The following PDE4D variants were observed in gnomAD, a reference collection of about 807,000 sequenced individuals.
The protein encoded by PDE4D is phosphodiesterase 4D, also known as 3',5'-cyclic-AMP phosphodiesterase 4D.
In PDE4D, 24 loss-of-function variants were observed where a neutral mutation model predicts 87.4. That is an observed-to-expected ratio of 0.27 (90% CI 0.20 to 0.39). PDE4D has a LOEUF of 0.39. Ranked by LOEUF, PDE4D falls within the 10% of genes least tolerant of loss-of-function variation. The pLI is 1.00. For synonymous variants in PDE4D, 384 were observed against 383.2 expected (o/e 1.00, Z -0.02); for missense variants, 714 against 1,041.0 (o/e 0.69, Z 4.32).
Position 59,522,141 on chromosome 5 carries a change from C to T in PDE4D, c.456-306173G>A, listed in dbSNP as rs1812350941. Among the ~76,000 whole-genome samples the T allele has an allele frequency of 2.0e-5, 3 of 152,240 alleles. No individual in the cohort carries two copies. In the South Asian group the frequency reaches 6.2e-4, roughly 32 times the overall value. ...CACATAAAGCATATTTGATAATCAG[C>T]TCAGCTCCTTGGTGAAAAAAACTAA... is the stretch of plus-strand genomic sequence containing the variant. On this transcript the variant is annotated intron_variant, in intron 1 of 14. Transcript: ENST00000340635.
chr5:59,817,749 C>CCT (rs1769154845), intron 1 of PDE4D, among the ~76,000 whole-genome samples: 1 of 150,794 alleles, frequency 6.6e-6, no homozygotes, highest in Non-Finnish European at 1.5e-5. Context: ...CACACCCCCC[C>CCT]CCACACACAC....
At chr5:59,200,290 C>T (rs1561690601) in intron 2 of PDE4D, among the ~76,000 whole-genome samples, 1 of 131,658 alleles carries the variant, frequency 7.6e-6, no homozygotes, top group Non-Finnish European at 1.6e-5. Context: ...TACAAGTATA[C>T]ATACATATGT....
intron 1 of PDE4D, among the ~76,000 whole-genome samples, chr5:59,351,084 C>T (rs1483378579): frequency 6.6e-6 from 1 of 152,172 alleles, no homozygotes; most frequent in Non-Finnish European, 1.5e-5. Context: ...TTAGTGAAGA[C>T]TTGGAAAATG....
intron 1 of PDE4D, chr5:59,587,381 T>G (rs1294792608): frequency 1.1e-6 from 1 of 911,726 alleles, no homozygotes; most frequent in Non-Finnish European, 1.3e-6. Flanking sequence ...AAATTCAGTT[T>G]TCCAATAGGT....
intron 5 of PDE4D, among the ~76,000 whole-genome samples, chr5:59,175,971 G>C (rs540543103): frequency 1.2e-4 from 18 of 151,818 alleles, no homozygotes; most frequent in African/African-American, 4.1e-4. Flanking sequence ...TTGAATTCTT[G>C]CAACAGTCCT....
intron 5 of PDE4D, among the ~76,000 whole-genome samples, chr5:59,159,065 C>A (rs1022687079): frequency 6.6e-6 from 1 of 152,098 alleles, no homozygotes; most frequent in African/African-American, 2.4e-5. Flanking sequence ...AACAAAAATA[C>A]CATGTTTGCT....
intron 1 of PDE4D, among the ~76,000 whole-genome samples, chr5:59,643,177 G>C (rs998962849): frequency 1.3e-5 from 2 of 152,208 alleles, no homozygotes; most frequent in Non-Finnish European, 2.9e-5. Flanking sequence ...TTGCCCCAGT[G>C]TACATGCTGG....
chr5:59,887,537 A>T (rs1240323807), intron 1 of PDE4D, among the ~76,000 whole-genome samples: 1 of 152,228 alleles, frequency 6.6e-6, no homozygotes, highest in Admixed American at 6.5e-5. Flanking sequence ...GATGGATAAT[A>T]AGCTGTGAGA....
intron 1 of PDE4D, among the ~76,000 whole-genome samples, chr5:60,390,416 AC>A: frequency 6.6e-6 from 1 of 152,284 alleles, no homozygotes; most frequent in South Asian, 2.1e-4. Flanking sequence ...CCAGTCACTA[AC>A]CAAATTCCTT....
At chr5:60,227,176 A>ACAAT (rs1660816497) in intron 1 of PDE4D, among the ~76,000 whole-genome samples, 1 of 152,154 alleles carries the variant, frequency 6.6e-6, no homozygotes, top group Admixed American at 6.6e-5. Context: ...ATATGTTTCT[A>ACAAT]CAATCAGAAT....
chr5:59,724,705 G>A (rs1333966383), intron 1 of PDE4D, among the ~76,000 whole-genome samples: 2 of 152,166 alleles, frequency 1.3e-5, no homozygotes, highest in East Asian at 1.9e-4. Flanking sequence ...ACCAGGTGGT[G>A]ACATAATGAA....
chr5:59,376,502 G>A (rs566682738), intron 1 of PDE4D, among the ~76,000 whole-genome samples: 42 of 152,048 alleles, frequency 2.8e-4, no homozygotes, highest in Non-Finnish European at 4.6e-4. Flanking sequence ...TCTACAAGGA[G>A]AACTACATAA....
chr5:59,256,428 C>T (rs1264595784), intron 1 of PDE4D, among the ~76,000 whole-genome samples: 1 of 151,984 alleles, frequency 6.6e-6, no homozygotes, highest in East Asian at 1.9e-4. Flanking sequence ...TTAAAATGAC[C>T]TTTCAGCCTC....
intron 5 of PDE4D, among the ~76,000 whole-genome samples, chr5:59,172,286 A>G (rs1207570754): frequency 2.2e-4 from 29 of 130,644 alleles, no homozygotes; most frequent in African/African-American, 8.4e-4. Flanking sequence ...TAAGAAATAT[A>G]TATTTATATA....
chr5:59,703,571 G>A (rs373521847), intron 1 of PDE4D: 4 of 534,392 alleles, frequency 7.5e-6, no homozygotes, highest in Non-Finnish European at 1.5e-5. Context: ...GGGTTCTGGT[G>A]GTGTTTTCTT....
At chr5:60,080,491 C>T (rs1432945075) in intron 2 of PDE4D, among the ~76,000 whole-genome samples, 1 of 152,148 alleles carries the variant, frequency 6.6e-6, no homozygotes, top group Non-Finnish European at 1.5e-5. Context: ...AGGTTTTGCC[C>T]ATTCAATATG....
chr5:59,333,743 G>A (rs1189621197), intron 1 of PDE4D, among the ~76,000 whole-genome samples: 1 of 152,036 alleles, frequency 6.6e-6, no homozygotes, highest in African/African-American at 2.4e-5. Context: ...GACTCCTTGG[G>A]GAGTTTTTCT....
chr5:60,271,833 A>C (rs1275289578), intron 1 of PDE4D, among the ~76,000 whole-genome samples: 1 of 152,236 alleles, frequency 6.6e-6, no homozygotes, highest in Non-Finnish European at 1.5e-5. Flanking sequence ...GAAGTAATTC[A>C]AAAGAATGGC....
At chr5:59,337,290 T>C (rs910159192) in intron 1 of PDE4D, among the ~76,000 whole-genome samples, 6 of 151,338 alleles carry the variant, frequency 4.0e-5, no homozygotes, top group African/African-American at 1.5e-4. Context: ...AAATTTTTAA[T>C]GATGCTGGTA....
Sources: gnomAD v4.1 joint callset for allele counts (sites outside exome capture counted in the v4.1 genomes callset) on GRCh38, gnomAD v4.1.1 for gene constraint, MANE v1.5 for transcripts, NCBI Gene and HGNC (gene_info 2026-07-23, HGNC 2026-07-21) for gene names.